The following GCC2 variants were observed in gnomAD, a reference collection of about 807,000 sequenced individuals.
GCC2 encodes the protein GRIP and coiled-coil domain-containing protein 2.
In GCC2, 120 loss-of-function variants were observed where a neutral mutation model predicts 210.6. That is an observed-to-expected ratio of 0.57 (90% CI 0.49 to 0.66). GCC2 has a LOEUF of 0.66. GCC2 is among the 30% of genes least tolerant of loss of function. The pLI is 0.00. For synonymous variants in GCC2, 703 were observed against 652.7 expected (o/e 1.08, Z -1.17); for missense variants, 1,868 against 1,871.9 (o/e 1.00, Z 0.04).
At chr2:108,483,349 A>G (rs573406521) in intron 12 of GCC2, among the ~76,000 whole-genome samples, 183 bp downstream of exon 12, 1 of 152,070 alleles carries the variant, frequency 6.6e-6, no homozygotes, top group East Asian at 1.9e-4. Context: ...TCAGCCTTCC[A>G]AGTAGCCGAG....
At chr2:108,456,293 C>T (rs1680274822) in intron 4 of GCC2, among the ~76,000 whole-genome samples, 1 of 152,126 alleles carries the variant, frequency 6.6e-6, no homozygotes, top group Non-Finnish European at 1.5e-5. Context: ...CCTGAGAAAT[C>T]CCCAACTGTT....
intron 9 of GCC2, among the ~76,000 whole-genome samples, chr2:108,476,612 A>G (rs1015884339): frequency 1.3e-5 from 2 of 152,234 alleles, no homozygotes; most frequent in African/African-American, 4.8e-5. Context: ...CCTTAGTAAC[A>G]TGAAAATGTA....
intron 13 of GCC2, 33 bp from the exon 14 acceptor site, chr2:108,485,603 A>G (rs1357633089): frequency 8.8e-7 from 1 of 1,131,582 alleles, no homozygotes; most frequent in African/African-American, 1.6e-5. Context: ...AAATTGTTAC[A>G]TCTTTTTCTG....
intron 12 of GCC2, 63 bp from the exon 13 acceptor site, chr2:108,484,086 A>G: frequency 8.5e-7 from 1 of 1,173,894 alleles, no homozygotes; most frequent in East Asian, 2.7e-5. Context: ...TACAAATGAA[A>G]AAAAAAATTT....
rs369586794 is a variant in GCC2 at position 108,488,834 on chromosome 2, C to G, written c.4053-1004C>G. ...TGTATGTTTATGTTTCTGTTACTTT[C>G]ATTTAGGAATCTATTAAATATAGAG... On this transcript the variant is annotated intron_variant, in intron 17 of 22. Transcript: ENST00000309863. Among the ~76,000 whole-genome samples the G allele has an allele frequency of 9.2e-5, 14 of 152,242 alleles. No homozygotes were observed. In the East Asian group the frequency reaches 2.5e-3, roughly 27 times the overall value.
At chr2:108,454,105 C>T (rs1172703593) in intron 4 of GCC2, among the ~76,000 whole-genome samples, 2 of 152,126 alleles carry the variant, frequency 1.3e-5, no homozygotes, top group Admixed American at 1.3e-4. Context: ...ATTCTCCTGC[C>T]TCAGCCTCCC....
rs572225192 is a variant in GCC2, at chr2:108,458,463, C to T, written c.216+5997C>T. Among the ~76,000 whole-genome samples, 11 of 148,560 alleles carry T rather than the reference C, an allele frequency of 7.4e-5. No homozygotes were observed. The East Asian group carries it at 7.8e-4, about 11-fold the overall frequency. On this transcript the variant is annotated intron_variant, in intron 4 of 22. Coordinates refer to ENST00000309863, the MANE Select transcript of GCC2 (RefSeq NM_181453.4). ...TCTAGAATGAGTTAGGGAAAATTGC[C>T]ACCTCTTCAGTATTTTGGAGTAGTT...
In GCC2 at chr2:108,451,058, A is replaced by C. The variant is rs779609657; in HGVS notation, c.94A>C (p.Lys32Gln). Reference sequence around the variant, plus strand: ...AACATTGCCCAAAGAAGACCTCATCAAGTTTGCCAAGAAACAGATGATGCT... The same window carrying C: ...AACATTGCCCAAAGAAGACCTCATCCAGTTTGCCAAGAAACAGATGATGCT... ...LETLPKEDLI[K>Q]FAKKQMMLIQ... is the part of the protein sequence containing the mutation. The change falls in exon 3 of 23, where the codon AAG becomes CAG. Residue 32 changes from lysine to glutamine, a missense_variant. Physicochemically the swap from Lys to Gln is moderately conservative, Grantham distance 53. Around this residue, in one of 3 missense-constraint regions of GCC2, gnomAD observed 1,847 missense variants for 1,765.2 expected, o/e 1.05. Transcript: ENST00000309863. The C allele has an allele frequency of 5.0e-6, 8 of 1,613,290 alleles. No homozygotes were observed. The African/African-American group carries it at 6.7e-5, about 13-fold the overall frequency.
intron 20 of GCC2, 130 bp from the exon 21 acceptor site, chr2:108,496,840 A>G: frequency 3.2e-6 from 4 of 1,252,334 alleles, no homozygotes; most frequent in Non-Finnish European, 1.1e-6. Context: ...TGCCGAATAG[A>G]TGAATGGCAA....
At chr2:108,450,539 T>G (rs1470339641) in intron 2 of GCC2, among the ~76,000 whole-genome samples, 2 of 152,256 alleles carry the variant, frequency 1.3e-5, no homozygotes, top group Non-Finnish European at 2.9e-5. Context: ...GCATAACTAA[T>G]TTTTAGTAGT....
intron 18 of GCC2, among the ~76,000 whole-genome samples, chr2:108,492,318 C>T (rs1302099395): frequency 6.6e-6 from 1 of 152,106 alleles, no homozygotes; most frequent in East Asian, 1.9e-4. Context: ...CTAGTCTGGA[C>T]AACACAACAC....
rs750590539 is a variant in GCC2 at position 108,490,024 on chromosome 2, T to C, written c.4229+10T>C. On this transcript the variant is annotated intron_variant, in intron 18 of 22. Transcript: ENST00000309863. ...CGGAACTCCGGGAAAAGTAAGACTG[T>C]TAGCAGCACTAACGCTGTACCAGAC... is the stretch of plus-strand genomic sequence containing the variant. 6.3e-7 allele frequency: 1 copy of C among 1,594,624 alleles called. No homozygotes were observed. Among genetic ancestry groups the C allele is most frequent in the South Asian group, 1.1e-5 (1 of 88,398 alleles).
chr2:108,464,298 C>T (rs1351021782), intron 4 of GCC2, among the ~76,000 whole-genome samples: 1 of 152,168 alleles, frequency 6.6e-6, no homozygotes, highest in Non-Finnish European at 1.5e-5. Flanking sequence ...TGAGAATGCT[C>T]AGCCACCCCT....
intron 15 of GCC2, among the ~76,000 whole-genome samples, chr2:108,486,234 T>TTA (rs1278491245): frequency 2.0e-5 from 3 of 152,134 alleles, no homozygotes; most frequent in Non-Finnish European, 2.9e-5. Flanking sequence ...GTGTATATTT[T>TTA]TATATATATA....
At chr2:108,505,423 T>C (rs569909823) in intron 22 of GCC2, among the ~76,000 whole-genome samples, 1 of 152,172 alleles carries the variant, frequency 6.6e-6, no homozygotes, top group African/African-American at 2.4e-5. Flanking sequence ...CTCCAGAAAT[T>C]CATGCCTTTG....
intron 4 of GCC2, among the ~76,000 whole-genome samples, chr2:108,461,148 A>G (rs1033163669): frequency 2.0e-5 from 3 of 152,218 alleles, no homozygotes; most frequent in African/African-American, 7.2e-5. Context: ...CATTTTGAAT[A>G]TATCATTCTC....
At chr2:108,505,282 G>A (rs561192382) in intron 22 of GCC2, among the ~76,000 whole-genome samples, 1 of 152,300 alleles carries the variant, frequency 6.6e-6, no homozygotes, top group South Asian at 2.1e-4. Context: ...TGGGAACAAG[G>A]TTACCTCACT....
intron 4 of GCC2, 86 bp downstream of exon 4, chr2:108,452,552 T>C (rs2683797): frequency 0.62 from 505,150 of 812,640 alleles, 160,890 homozygotes; most frequent in East Asian, 0.93. Context: ...GGCTTTCTGT[T>C]TCTGTTCTAC....
At chr2:108,461,824 T>TTTTTC (rs1680593156) in intron 4 of GCC2, among the ~76,000 whole-genome samples, 1 of 140,346 alleles carries the variant, frequency 7.1e-6, no homozygotes, top group African/African-American at 2.8e-5. Context: ...TTTTCTTTTT[T>TTTTTC]TTTTTCTTTT....
Sources: allele counts gnomAD v4.1 joint callset (sites outside exome capture counted in the v4.1 genomes callset), GRCh38; gene constraint gnomAD v4.1.1; regional missense constraint gnomAD v4.1.1; transcripts MANE v1.5; gene names NCBI Gene and HGNC (gene_info 2026-07-23, HGNC 2026-07-21).